RSBN1L: variants seen among roughly 807,000 people sequenced by gnomAD.
RSBN1L encodes lysine-specific demethylase RSBN1L.
Under a neutral mutation model 67.7 loss-of-function variants are expected in RSBN1L, and 30 were observed. The ratio of observed to expected loss-of-function variants is 0.44; its 90% CI spans 0.33 to 0.60. The LOEUF (loss-of-function observed/expected upper bound fraction) is 0.60. RSBN1L is among the 20% of genes least tolerant of loss of function. The pLI is 0.02. For missense variants in RSBN1L, 992 were observed against 1,031.7 expected (o/e 0.96, Z 0.53); for synonymous variants, 433 against 387.0 (o/e 1.12, Z -1.39).
At chr7:77,752,998 C>A (rs926776297) in intron 3 of RSBN1L, among the ~76,000 whole-genome samples, 7 of 152,108 alleles carry the variant, frequency 4.6e-5, no homozygotes, top group African/African-American at 1.7e-4. Context: ...TATGGTATTC[C>A]ACTGTGTTAG....
chr7:77,748,594 C>T (rs1189635736), intron 2 of RSBN1L, among the ~76,000 whole-genome samples: 1 of 152,088 alleles, frequency 6.6e-6, no homozygotes, highest in African/African-American at 2.4e-5. Flanking sequence ...AAGCAATTCT[C>T]CTGCCTCAGC....
chr7:77,767,365 C>T (rs1413578098), intron 4 of RSBN1L, among the ~76,000 whole-genome samples: 10 of 151,234 alleles, frequency 6.6e-5, no homozygotes, highest in Admixed American at 6.6e-4. Context: ...CTCTCTCTGT[C>T]TTTTTTTGTT....
intron 1 of RSBN1L, among the ~76,000 whole-genome samples, chr7:77,733,001 G>A (rs918715815): frequency 3.9e-5 from 6 of 152,042 alleles, no homozygotes; most frequent in Admixed American, 6.6e-5. Flanking sequence ...GGCATTTAAG[G>A]TTGGATTTTG....
chr7:77,696,999 G>A lies in RSBN1L; in HGVS notation c.530G>A (p.Arg177Gln), dbSNP rs1357365719. 6.5e-7 allele frequency: 1 copy of A among 1,536,496 alleles called. No individual in the cohort carries two copies. Among genetic ancestry groups the A allele is most frequent in the African/African-American group, 1.4e-5 (1 of 72,992 alleles). The change falls in exon 1 of 8, where the codon CGA becomes CAA. Residue 177 changes from arginine (R) to glutamine (Q), a missense_variant. Physicochemically the swap from Arg to Gln is conservative, Grantham distance 43. Around this residue, in one of 7 missense-constraint regions of RSBN1L, gnomAD observed 575 missense variants for 483.2 expected, o/e 1.19. Transcript: ENST00000334955. Reference protein sequence around the residue: ...ERRRHGLGGAREAGGASREEN... With the variant: ...ERRRHGLGGAQEAGGASREEN... ...AGGAGGCACGGTCTCGGTGGGGCCC[G>A]AGAGGCCGGCGGGGCCTCCCGGGAG...
intron 3 of RSBN1L, among the ~76,000 whole-genome samples, chr7:77,762,305 A>G (rs1361784499): frequency 6.6e-6 from 1 of 152,196 alleles, no homozygotes; most frequent in Admixed American, 6.5e-5. Context: ...ATAGGACCAT[A>G]CTTAAAAATA....
chr7:77,706,149 T>C (rs559598481), intron 1 of RSBN1L, among the ~76,000 whole-genome samples: 3 of 152,092 alleles, frequency 2.0e-5, no homozygotes, highest in Admixed American at 6.5e-5. Flanking sequence ...CGATCTTGAT[T>C]CACTGCAACC....
rs755646535 is a variant in RSBN1L at position 77,765,635 on chromosome 7, A to G, written c.1482+3A>G. On this transcript the variant is annotated splice_donor_region_variant and intron_variant, in intron 4 of 7. Coordinates refer to ENST00000334955, the MANE Select transcript of RSBN1L (RefSeq NM_198467.3). ...TGGAAGAGTCACCATTTTTAAAAGT[A>G]AGAGACAATCTGTCATGGGATTAGA... The G allele has an allele frequency of 6.3e-7, 1 of 1,588,552 alleles. No homozygotes were observed. Among genetic ancestry groups the G allele is most frequent in the East Asian group, 2.2e-5 (1 of 44,468 alleles).
intron 3 of RSBN1L, among the ~76,000 whole-genome samples, chr7:77,756,139 A>T (rs1347411443): frequency 2.0e-5 from 3 of 149,556 alleles, no homozygotes; most frequent in African/African-American, 2.5e-5. Context: ...TTATTTTTTT[A>T]TTTTTTTTTT....
intron 2 of RSBN1L, among the ~76,000 whole-genome samples, chr7:77,738,585 T>C (rs1043599355): frequency 1.3e-4 from 20 of 152,292 alleles, no homozygotes; most frequent in African/African-American, 4.6e-4. Flanking sequence ...AGGTACTTAC[T>C]ACTGAGTAGT....
intron 3 of RSBN1L, chr7:77,759,676 C>T (rs1033837701): frequency 6.6e-6 from 1 of 152,160 alleles, no homozygotes; most frequent in African/African-American, 2.4e-5. Context: ...ATTTTCTTCA[C>T]ATTGGTGCTG....
At chr7:77,719,475 C>A (rs1343598457) in intron 1 of RSBN1L, among the ~76,000 whole-genome samples, 1 of 152,092 alleles carries the variant, frequency 6.6e-6, no homozygotes. Flanking sequence ...ACTTAGAGGT[C>A]TAAGAATGCC....
chr7:77,697,242 C>G (rs943741515), intron 1 of RSBN1L, 187 bp downstream of exon 1: 23 of 521,494 alleles, frequency 4.4e-5, no homozygotes, highest in African/African-American at 2.0e-4. Context: ...CCTGTAATTT[C>G]GGTTGCAGAG....
intron 3 of RSBN1L, among the ~76,000 whole-genome samples, chr7:77,754,746 G>A (rs1212501419): frequency 6.6e-6 from 1 of 152,058 alleles, no homozygotes; most frequent in East Asian, 1.9e-4. Context: ...GAGGCAAGAG[G>A]ATCACTAGGA....
chr7:77,705,501 A>G (rs574308396), intron 1 of RSBN1L, among the ~76,000 whole-genome samples: 1 of 141,656 alleles, frequency 7.1e-6, no homozygotes, highest in South Asian at 2.2e-4. Flanking sequence ...AGGTCTCTCC[A>G]TTGTAATGGT....
At chr7:77,751,672 G>A (rs2150426629) in intron 3 of RSBN1L, among the ~76,000 whole-genome samples, 1 of 152,288 alleles carries the variant, frequency 6.6e-6, no homozygotes, top group Admixed American at 6.5e-5. Context: ...AGTACTGACT[G>A]TGCCAAGGAC....
intron 3 of RSBN1L, among the ~76,000 whole-genome samples, chr7:77,759,212 C>T (rs1008569590): frequency 3.3e-5 from 5 of 152,130 alleles, no homozygotes; most frequent in Admixed American, 6.5e-5. Flanking sequence ...CATTGCTTGC[C>T]TTTGTACTAA....
At chr7:77,703,553 A>G (rs1047431582) in intron 1 of RSBN1L, among the ~76,000 whole-genome samples, 1 of 128,086 alleles carries the variant, frequency 7.8e-6, no homozygotes, top group African/African-American at 3.0e-5. Context: ...GCAGTGGCAC[A>G]ATCTTGCTCA....
rs777511990 is a variant in RSBN1L at position 77,778,453 on chromosome 7, T to G, written c.1902+7T>G. On this transcript the variant is annotated splice_region_variant and intron_variant, in intron 7 of 7. Coordinates refer to ENST00000334955, the MANE Select transcript of RSBN1L (RefSeq NM_198467.3). The stretch of plus-strand genomic sequence containing the variant: ...TGAACCTCCACTGTCCCAGGTATTT[T>G]TAATACACTTACTGTCTTTGGTTTA... The G allele has an allele frequency of 5.0e-6, 8 of 1,602,782 alleles. No homozygotes were observed. The highest frequency in any genetic ancestry group is 6.8e-6 in the Non-Finnish European group (8 of 1,174,438).
rs1170427710 is a variant in RSBN1L at position 77,696,947 on chromosome 7, C to T, written c.478C>T (p.Pro160Ser). 2.5e-6 allele frequency: 4 copies of T among 1,594,412 alleles called. No individual in the cohort carries two copies. Among genetic ancestry groups the T allele is most frequent in the East Asian group, 2.3e-5 (1 of 44,408 alleles). The change falls in exon 1 of 8, where the codon CCT becomes TCT. Residue 160 changes from proline to serine, a missense_variant. Pro to Ser is a moderately conservative substitution (Grantham distance 74). This residue lies in a region of RSBN1L where 575 missense variants were observed against 483.2 expected (regional missense o/e 1.19). Coordinates refer to ENST00000334955, the MANE Select transcript of RSBN1L (RefSeq NM_198467.3). Reference sequence around the variant, plus strand: ...CTCGGCTAACGCCAAGTCGCGCAGACCTAAGGAGAAGCGGGAGAAGGAGAG... The same window carrying T: ...CTCGGCTAACGCCAAGTCGCGCAGATCTAAGGAGAAGCGGGAGAAGGAGAG... ...AASANAKSRR[P>S]KEKREKERRR...
Sources: allele counts gnomAD v4.1 joint callset (sites outside exome capture counted in the v4.1 genomes callset), GRCh38; gene constraint gnomAD v4.1.1; regional missense constraint gnomAD v4.1.1; transcripts MANE v1.5; gene names NCBI Gene and HGNC (gene_info 2026-07-23, HGNC 2026-07-21).